The following TRIP12 variants were observed in gnomAD, a reference collection of about 807,000 sequenced individuals.
TRIP12 encodes E3 ubiquitin-protein ligase TRIP12.
TRIP12 carries 25 observed loss-of-function variants against 244.2 expected under a neutral mutation model. That is an observed-to-expected ratio of 0.10 (90% CI 0.07 to 0.14). The LOEUF (loss-of-function observed/expected upper bound fraction) is 0.14, where lower values mean the gene tolerates loss of function less well. TRIP12 is among the 10% of genes least tolerant of loss of function. TRIP12 has a pLI of 1.00. For synonymous variants in TRIP12, 905 were observed against 873.1 expected (o/e 1.04, Z -0.64); for missense variants, 1,677 against 2,486.4 (o/e 0.67, Z 6.92).
rs768307383 is a variant in TRIP12 at position 229,774,231 on chromosome 2, T to C, written c.5560A>G (p.Thr1854Ala). 2.5e-6 allele frequency: 4 copies of C among 1,614,116 alleles called. No individual in the cohort carries two copies. The South Asian group carries it at 4.4e-5, about 18-fold the overall frequency. Residue 1854 changes from threonine (T) to alanine (A), a missense_variant, in exon 38 of 42, where the codon ACC becomes GCC. Physicochemically the swap from Thr to Ala is moderately conservative, Grantham distance 58. Coordinates refer to ENST00000675903, the MANE Select transcript of TRIP12 (RefSeq NM_001348323.3). Reference protein sequence around the residue: ...TKESLQYALETLTMNGCSVED... With the variant: ...TKESLQYALEALTMNGCSVED... Reference sequence around the variant, plus strand: ...ACTGAGCAGCCATTCATAGTCAAGGTTTCTAATGCATACTGTAGACTCTCT... The same window carrying C: ...ACTGAGCAGCCATTCATAGTCAAGGCTTCTAATGCATACTGTAGACTCTCT...
chr2:229,890,004 A>G (rs1259987938), intron 1 of TRIP12, among the ~76,000 whole-genome samples: 2 of 152,180 alleles, frequency 1.3e-5, no homozygotes, highest in Non-Finnish European at 2.9e-5. Flanking sequence ...CAATATTTTC[A>G]AAAATATTCT....
chr2:229,863,184 G>A (rs548142794), intron 2 of TRIP12, among the ~76,000 whole-genome samples: 8 of 149,426 alleles, frequency 5.4e-5, no homozygotes, highest in East Asian at 2.0e-4. Context: ...AGCCGCGATC[G>A]TGTCACTGTA....
intron 4 of TRIP12, among the ~76,000 whole-genome samples, chr2:229,851,111 G>A (rs1004883420): frequency 2.6e-5 from 4 of 152,232 alleles, no homozygotes; most frequent in Non-Finnish European, 4.4e-5. Flanking sequence ...AGCACATGGC[G>A]CGGGACCGGC....
At chr2:229,769,675 T>C (rs1367669729) in intron 39 of TRIP12, among the ~76,000 whole-genome samples, 2 of 151,932 alleles carry the variant, frequency 1.3e-5, no homozygotes, top group Non-Finnish European at 2.9e-5. Context: ...GTCAGGGAGA[T>C]TTTATAAATC....
intron 2 of TRIP12, among the ~76,000 whole-genome samples, chr2:229,861,690 G>A (rs1203862705): frequency 1.3e-5 from 2 of 152,044 alleles, no homozygotes; most frequent in Non-Finnish European, 2.9e-5. Flanking sequence ...GAGGACCTAA[G>A]GTTTCTCTTT....
chr2:229,805,343 T>A (rs2045611788), intron 18 of TRIP12, among the ~76,000 whole-genome samples: 1 of 152,182 alleles, frequency 6.6e-6, no homozygotes, highest in Non-Finnish European at 1.5e-5. Context: ...CCTGGTTTTG[T>A]TTTGTTTTGT....
intron 1 of TRIP12, among the ~76,000 whole-genome samples, chr2:229,914,304 T>C (rs2074951700): frequency 6.6e-6 from 1 of 152,186 alleles, no homozygotes; most frequent in Non-Finnish European, 1.5e-5. Context: ...AAAAAGTTGC[T>C]GGGTGTGTTC....
At chr2:229,834,767 A>G (rs529443339) in intron 6 of TRIP12, among the ~76,000 whole-genome samples, 1 of 147,514 alleles carries the variant, frequency 6.8e-6, no homozygotes, top group East Asian at 2.0e-4. Context: ...CTCAAAGAAG[A>G]AAAAAAAAAA....
intron 1 of TRIP12, among the ~76,000 whole-genome samples, chr2:229,915,851 T>C (rs2075284109): frequency 2.0e-5 from 3 of 152,072 alleles, no homozygotes. Flanking sequence ...TGTGCCACCA[T>C]GCCCAGCTAA....
chr2:229,796,827 C>T (rs1458963875), intron 24 of TRIP12, 45 bp from the exon 25 acceptor site: 1 of 1,489,752 alleles, frequency 6.7e-7, no homozygotes, highest in East Asian at 2.3e-5. Flanking sequence ...TTAAGCAGCA[C>T]TTAAAAAATA....
intron 2 of TRIP12, among the ~76,000 whole-genome samples, chr2:229,879,504 T>C (rs778493406): frequency 1.3e-5 from 2 of 152,228 alleles, no homozygotes; most frequent in African/African-American, 2.4e-5. Flanking sequence ...ACTCGTTCAC[T>C]AACAAAGTCA....
intron 4 of TRIP12, among the ~76,000 whole-genome samples, chr2:229,858,119 T>A (rs947902734): frequency 1.3e-5 from 2 of 152,162 alleles, no homozygotes; most frequent in Non-Finnish European, 2.9e-5. Flanking sequence ...ATCCCCACAC[T>A]TTGGGAGGCC....
chr2:229,864,919 C>G (rs1462115617), intron 2 of TRIP12, among the ~76,000 whole-genome samples: 3 of 152,180 alleles, frequency 2.0e-5, no homozygotes, highest in Non-Finnish European at 2.9e-5. Flanking sequence ...TACATTTGTA[C>G]TGCTATTTAG....
At chr2:229,804,248 A>T (rs748227901) in intron 18 of TRIP12, 21 bp from the exon 19 acceptor site, 2 of 1,570,622 alleles carry the variant, frequency 1.3e-6, no homozygotes, top group South Asian at 2.3e-5. Flanking sequence ...AAAAAAAAAT[A>T]TATGTGCAAT....
chr2:229,832,423 T>C (rs1348043181), intron 6 of TRIP12, among the ~76,000 whole-genome samples: 3 of 152,186 alleles, frequency 2.0e-5, no homozygotes, highest in African/African-American at 7.2e-5. Context: ...CTCTGAAAAG[T>C]TTAGAGCCAT....
chr2:229,798,938 G>A lies in TRIP12; in HGVS notation c.3419C>T (p.Ala1140Val), dbSNP rs750369222. The A allele has an allele frequency of 6.2e-7, 1 of 1,614,192 alleles. No homozygotes were observed. The highest frequency in any genetic ancestry group is 8.5e-7 in the Non-Finnish European group (1 of 1,180,046). Residue 1140 changes from alanine to valine, a missense_variant, in exon 23 of 42, where the codon GCA becomes GTA. Coordinates refer to ENST00000675903, the MANE Select transcript of TRIP12 (RefSeq NM_001348323.3). Reference protein sequence around the residue: ...TQSNSNNIEPARTAGGSGLAR... With the variant: ...TQSNSNNIEPVRTAGGSGLAR... ...AAGGCCACTACCTCCCGCAGTCCGT[G>A]CTGGCTCAATGTTGTTGCTGTTGGA...
chr2:229,905,003 G>A (rs1019714969), intron 1 of TRIP12, among the ~76,000 whole-genome samples: 7 of 152,180 alleles, frequency 4.6e-5, no homozygotes, highest in African/African-American at 1.7e-4. Flanking sequence ...GGCCGGGTGC[G>A]CTGGCTGATG....
At chr2:229,866,516 TTTC>T (rs1281681804) in intron 2 of TRIP12, among the ~76,000 whole-genome samples, 3 of 152,366 alleles carry the variant, frequency 2.0e-5, no homozygotes, top group East Asian at 3.9e-4. Context: ...AGGTATTTTA[TTTC>T]TTCATTTATT....
rs533765384 is a variant in TRIP12 at position 229,918,214 on chromosome 2, T to A, written c.-50+3666A>T. 2.6e-5 allele frequency among the ~76,000 whole-genome samples: 4 copies of A among 152,314 alleles called. No individual in the cohort carries two copies. The South Asian group carries it at 8.3e-4, about 32-fold the overall frequency. ...TCTTCACATCCTTTATCTTCTATGT[T>A]TTTCTGTACATAGTGGGTGCTTGCT... On this transcript the variant is annotated intron_variant, in intron 1 of 41. Coordinates refer to ENST00000675903, the MANE Select transcript of TRIP12 (RefSeq NM_001348323.3).
Sources: allele counts gnomAD v4.1 joint callset (sites outside exome capture counted in the v4.1 genomes callset), GRCh38; gene constraint gnomAD v4.1.1; transcripts MANE v1.5; gene names NCBI Gene and HGNC (gene_info 2026-07-23, HGNC 2026-07-21).